Variants in CAST observed in about 807,000 individuals in gnomAD.
CAST encodes the protein calpastatin.
CAST carries 76 observed loss-of-function variants against 119.6 expected under a neutral mutation model. That is an observed-to-expected ratio of 0.64 (90% CI 0.53 to 0.77). CAST has a LOEUF of 0.77. Among genes scored for constraint, CAST ranks in the 30% least tolerant of loss-of-function variants. The pLI is 0.00. For synonymous variants in CAST, 319 were observed against 331.6 expected (o/e 0.96, Z 0.41); for missense variants, 953 against 946.5 (o/e 1.01, Z -0.09).
At chr5:96,087,727 G>T in the CAST span, among the ~76,000 whole-genome samples, 1 of 152,112 alleles carries the variant, frequency 6.6e-6, no homozygotes, top group Non-Finnish European at 1.5e-5. Flanking sequence ...CTGATTTGGC[G>T]GGATTTCAGA....
chr5:96,695,977 T>A, intron 3 of CAST, 70 bp downstream of exon 3: 1 of 997,524 alleles, frequency 1.0e-6, no homozygotes. Context: ...GGGTGGGGCC[T>A]GTAGGAATGG....
the CAST span, among the ~76,000 whole-genome samples, chr5:96,367,991 C>T: frequency 6.6e-6 from 1 of 152,052 alleles, no homozygotes; most frequent in African/African-American, 2.4e-5. Context: ...GCTTTTATAA[C>T]ATGTTCCTCA....
At chr5:96,185,052 G>A in the CAST span, among the ~76,000 whole-genome samples, 3 of 152,142 alleles carry the variant, frequency 2.0e-5, no homozygotes, top group Non-Finnish European at 2.9e-5. Context: ...ATTCTGACTG[G>A]CATGAGATAG....
intron 25 of CAST, among the ~76,000 whole-genome samples, chr5:96,764,329 A>G (rs1025067231): frequency 1.3e-5 from 2 of 152,204 alleles, no homozygotes; most frequent in African/African-American, 4.8e-5. Context: ...GGCCAAGGAA[A>G]CTGAAGCTGA....
intron 2 of CAST, among the ~76,000 whole-genome samples, chr5:96,692,019 A>G (rs141270114): frequency 6.6e-6 from 1 of 152,340 alleles, no homozygotes; most frequent in African/African-American, 2.4e-5. Flanking sequence ...ACTACAATAG[A>G]TATACAAAAA....
the CAST span, among the ~76,000 whole-genome samples, chr5:96,336,822 G>A: frequency 3.3e-5 from 5 of 152,028 alleles, no homozygotes; most frequent in African/African-American, 7.3e-5. Context: ...TTTTAGTCCC[G>A]GTTCTTCCTT....
At chr5:96,173,975 C>A in the CAST span, among the ~76,000 whole-genome samples, 1 of 152,076 alleles carries the variant, frequency 6.6e-6, no homozygotes, top group Non-Finnish European at 1.5e-5. Context: ...ATCACCTGAC[C>A]GTGTGATCCT....
chr5:96,529,562 C>A (rs758544632), upstream of CAST, among the ~76,000 whole-genome samples: 18 of 152,020 alleles, frequency 1.2e-4, no homozygotes, highest in Non-Finnish European at 2.4e-4. Context: ...TATAAATAAG[C>A]TTTTTGAGAT....
At chr5:96,550,044 A>G (rs1746096772) in intron 1 of CAST, among the ~76,000 whole-genome samples, 1 of 152,242 alleles carries the variant, frequency 6.6e-6, no homozygotes, top group Admixed American at 6.5e-5. Flanking sequence ...ACAGCTCTCA[A>G]GAGAGCAGTA....
chr5:96,758,911 A>C (rs751307925), intron 24 of CAST, among the ~76,000 whole-genome samples: 5 of 152,220 alleles, frequency 3.3e-5, no homozygotes, highest in Admixed American at 1.3e-4. Flanking sequence ...ACTGAGGCAG[A>C]ACAGATGAAC....
At chr5:96,639,909 T>C (rs1298244601) in intron 1 of CAST, among the ~76,000 whole-genome samples, 1 of 152,164 alleles carries the variant, frequency 6.6e-6, no homozygotes, top group Non-Finnish European at 1.5e-5. Context: ...ACCTTCTAAT[T>C]GACATCCAGT....
At chr5:96,632,392 A>C (rs1747833102) in intron 1 of CAST, among the ~76,000 whole-genome samples, 2 of 150,566 alleles carry the variant, frequency 1.3e-5, no homozygotes, top group African/African-American at 4.8e-5. Context: ...TTATATATAA[A>C]AATTGTGCTT....
At chr5:96,059,968 G>T in the CAST span, among the ~76,000 whole-genome samples, 7 of 152,096 alleles carry the variant, frequency 4.6e-5, no homozygotes, top group South Asian at 8.3e-4. Flanking sequence ...TCTAATAAAT[G>T]AAAAAAACCA....
At chr5:96,619,430 C>G (rs897188716) in intron 1 of CAST, among the ~76,000 whole-genome samples, 1 of 151,644 alleles carries the variant, frequency 6.6e-6, no homozygotes, top group Admixed American at 6.6e-5. Context: ...AATCAGCTGT[C>G]TGTAAAATGG....
upstream of CAST, among the ~76,000 whole-genome samples, chr5:96,522,866 T>C (rs1347494230): frequency 6.6e-6 from 1 of 152,202 alleles, no homozygotes; most frequent in Non-Finnish European, 1.5e-5. Context: ...CCTCCCGACA[T>C]GGAAGTCATC....
the CAST span, among the ~76,000 whole-genome samples, chr5:96,045,759 G>A: frequency 8.5e-5 from 13 of 152,140 alleles, no homozygotes; most frequent in African/African-American, 3.1e-4. Context: ...TTCAAGCCTA[G>A]TAGGTCTAAC....
At chr5:96,749,300 C>T (rs962513691) in intron 19 of CAST, among the ~76,000 whole-genome samples, 2 of 152,180 alleles carry the variant, frequency 1.3e-5, no homozygotes, top group South Asian at 4.1e-4. Flanking sequence ...GGCAGAGGAT[C>T]TGTAGTTCTT....
chr5:96,147,358 A>C, the CAST span, among the ~76,000 whole-genome samples: 2 of 152,180 alleles, frequency 1.3e-5, no homozygotes. Context: ...TAATCCCAGC[A>C]CTTTGGGAGG....
chr5:96,428,250 C>CAT, the CAST span, among the ~76,000 whole-genome samples: 18 of 152,006 alleles, frequency 1.2e-4, no homozygotes, highest in African/African-American at 2.9e-4. Flanking sequence ...CTGTCACATA[C>CAT]ATATATATAT....
Sources: gnomAD v4.1 joint callset for allele counts (sites outside exome capture counted in the v4.1 genomes callset) on GRCh38, gnomAD v4.1.1 for gene constraint, MANE v1.5 for transcripts, NCBI Gene and HGNC (gene_info 2026-07-23, HGNC 2026-07-21) for gene names.